DAB1: variants seen among roughly 807,000 people sequenced by gnomAD.
The protein encoded by DAB1 is DAB adaptor protein 1.
DAB1 carries 15 observed loss-of-function variants against 64.6 expected under a neutral mutation model. That is an observed-to-expected ratio of 0.23 (90% CI 0.16 to 0.36). The LOEUF is 0.36. Ranked by LOEUF, DAB1 falls within the 10% of genes least tolerant of loss-of-function variation. DAB1 has a pLI of 1.00. For synonymous variants in DAB1, 235 were observed against 251.9 expected (o/e 0.93, Z 0.64); for missense variants, 596 against 706.7 (o/e 0.84, Z 1.78).
At position 57,987,170 on chromosome 1, in the gene DAB1, T is replaced by C. The variant is rs74073714; in HGVS notation, n.388-103008A>G. Among the ~76,000 whole-genome samples the C allele has an allele frequency of 6.2e-3, 937 of 152,094 alleles. 7 individuals are homozygous for C. Among genetic ancestry groups the C allele is most frequent in the African/African-American group, 0.02 (824 of 41,484 alleles). On this transcript the variant is annotated intron_variant and non_coding_transcript_variant, in intron 5 of 20. Transcript: ENST00000485760. ...CATCAGGTTTCTTTCTCTGAAACCA[T>C]AGAGAACAAATCAGCCCCATTTATA...
In DAB1 at chr1:57,631,652, T is replaced by C. The variant is rs1288122055; in HGVS notation, n.625+17940A>G. ...TAAATAGCTTTGTTTCTTTGAGCCT[T>C]TTACTTCATAAATTTTGTGTACTTT... On this transcript the variant is annotated intron_variant and non_coding_transcript_variant, in intron 7 of 20. Coordinates refer to the DAB1 transcript ENST00000485760. Among the ~76,000 whole-genome samples, 3 of 152,222 alleles carry C rather than the reference T, an allele frequency of 2.0e-5. No homozygotes were observed. The East Asian group carries it at 5.8e-4, about 29-fold the overall frequency.
At chr1:57,667,683 A>C (rs1646464271) in intron 6 of DAB1, among the ~76,000 whole-genome samples, 1 of 152,070 alleles carries the variant, frequency 6.6e-6, no homozygotes, top group African/African-American at 2.4e-5. Context: ...TGTGCATGGA[A>C]TACTATATAG....
chr1:57,793,746 G>A (rs1426391858), intron 6 of DAB1, among the ~76,000 whole-genome samples: 1 of 152,228 alleles, frequency 6.6e-6, no homozygotes, highest in African/African-American at 2.4e-5. Context: ...AACAAGGATA[G>A]TGAAACCTCC....
intron 1 of DAB1, among the ~76,000 whole-genome samples, chr1:57,351,708 C>T (rs940801072): frequency 6.6e-6 from 1 of 152,030 alleles, no homozygotes; most frequent in East Asian, 1.9e-4. Flanking sequence ...TGTGATTTTT[C>T]CAGAGCAGGG....
chr1:57,117,873 A>AG (rs926553687), intron 4 of DAB1, among the ~76,000 whole-genome samples: 6 of 53,322 alleles, frequency 1.1e-4, no homozygotes, highest in African/African-American at 2.3e-4. Flanking sequence ...GGGATTTTTG[A>AG]GGGGGGTGTG....
chr1:57,313,093 A>G (rs1461582965), intron 1 of DAB1, among the ~76,000 whole-genome samples: 1 of 152,140 alleles, frequency 6.6e-6, no homozygotes, highest in Non-Finnish European at 1.5e-5. Flanking sequence ...AAAATTAAGG[A>G]TGCAGTGCCC....
intron 2 of DAB1, among the ~76,000 whole-genome samples, chr1:57,160,880 G>A (rs1411872599): frequency 6.6e-6 from 1 of 151,966 alleles, no homozygotes; most frequent in South Asian, 2.1e-4. Context: ...GATTAGATGG[G>A]GCTGGGTATA....
At chr1:57,087,652 AC>A (rs1653226746) in intron 4 of DAB1, among the ~76,000 whole-genome samples, 1 of 151,144 alleles carries the variant, frequency 6.6e-6, no homozygotes, top group Non-Finnish European at 1.5e-5. Flanking sequence ...CATTTTGAAA[AC>A]TCTGTTGAGG....
intron 5 of DAB1, among the ~76,000 whole-genome samples, chr1:58,040,964 C>A (rs1428787589): frequency 1.3e-5 from 2 of 152,210 alleles, no homozygotes; most frequent in Non-Finnish European, 2.9e-5. Context: ...CCAACCTCAC[C>A]TGTTCCAACT....
intron 5 of DAB1, among the ~76,000 whole-genome samples, chr1:58,050,632 C>A (rs892855502): frequency 1.3e-5 from 2 of 152,224 alleles, no homozygotes; most frequent in Admixed American, 1.3e-4. Context: ...TGGGTTCACG[C>A]CATTCTCCTG....
intron 2 of DAB1, among the ~76,000 whole-genome samples, chr1:57,275,509 G>T (rs766532124): frequency 7.9e-5 from 12 of 152,254 alleles, no homozygotes; most frequent in Non-Finnish European, 1.2e-4. Flanking sequence ...TACAGAAGAA[G>T]GGTTGGTTAT....
intron 6 of DAB1, among the ~76,000 whole-genome samples, chr1:57,700,706 T>C (rs1646896989): frequency 6.6e-6 from 1 of 152,238 alleles, no homozygotes; most frequent in African/African-American, 2.4e-5. Flanking sequence ...CTGACTTTTC[T>C]ATGCCTGAAA....
intron 5 of DAB1, among the ~76,000 whole-genome samples, chr1:58,128,271 G>T (rs1653273128): frequency 6.6e-6 from 1 of 150,856 alleles, no homozygotes; most frequent in Non-Finnish European, 1.5e-5. Flanking sequence ...GTCTGTTGTT[G>T]GTGTATAAGA....
chr1:57,778,893 C>T (rs1442085787), intron 6 of DAB1, among the ~76,000 whole-genome samples: 4 of 151,674 alleles, frequency 2.6e-5, no homozygotes, highest in Non-Finnish European at 4.4e-5. Flanking sequence ...GCTTCCCTCC[C>T]TCCTTCCCTT....
At chr1:58,456,895 A>G (rs1557769152) in intron 3 of DAB1, among the ~76,000 whole-genome samples, 3 of 152,148 alleles carry the variant, frequency 2.0e-5, no homozygotes, top group African/African-American at 7.2e-5. Flanking sequence ...ATATGCATGC[A>G]GGGTTGAGAC....
At chr1:58,453,942 C>T (rs938588128) in intron 3 of DAB1, among the ~76,000 whole-genome samples, 1 of 152,054 alleles carries the variant, frequency 6.6e-6, no homozygotes, top group African/African-American at 2.4e-5. Flanking sequence ...CTGGCTCTCC[C>T]TCACACCTGC....
At position 56,996,893 on chromosome 1, in the gene DAB1, A is replaced by AC. The variant is rs1553124060; in HGVS notation, c.*1250_*1251insG. Reference sequence around the variant, plus strand: ...CATTTATATTTACAAAAAAAAGACAATTTTTTTTCATTAGAACTCCTTAAA... The same window carrying AC: ...CATTTATATTTACAAAAAAAAGACAACTTTTTTTTCATTAGAACTCCTTAAA... On this transcript the variant is annotated 3_prime_UTR_variant, in exon 15 of 15. Transcript: ENST00000371236. The AC allele has an allele frequency of 6.6e-6, 1 of 151,866 alleles. No homozygotes were observed. Among genetic ancestry groups the AC allele is most frequent in the Non-Finnish European group, 1.5e-5 (1 of 67,960 alleles). 9.4% of individuals were successfully genotyped at this position (151,866 alleles called of 1,614,324 possible). A position where few individuals can be genotyped will look rare whatever the true frequency, so the allele number is the denominator to read the frequency against.
At chr1:57,424,736 G>A (rs1004974111), upstream of DAB1, among the ~76,000 whole-genome samples, 1 of 152,204 alleles carries the variant, frequency 6.6e-6, no homozygotes, top group East Asian at 1.9e-4. Context: ...GTGCAGGTTC[G>A]GCGGCTCCTG....
chr1:57,519,090 C>A (rs1302897276), intron 7 of DAB1, among the ~76,000 whole-genome samples: 1 of 152,126 alleles, frequency 6.6e-6, no homozygotes, highest in Non-Finnish European at 1.5e-5. Context: ...GAAGTTCTTA[C>A]AATAGTCCCT....
Sources: allele counts gnomAD v4.1 joint callset (sites outside exome capture counted in the v4.1 genomes callset), GRCh38; gene constraint gnomAD v4.1.1; transcripts MANE v1.5; gene names NCBI Gene and HGNC (gene_info 2026-07-23, HGNC 2026-07-21).